Variants in RBFOX3 observed in about 807,000 individuals in gnomAD.
RBFOX3 encodes the protein RNA binding fox-1 homolog 3, also known as RNA binding protein fox-1 homolog 3.
RBFOX3 carries 17 observed loss-of-function variants against 48.7 expected under a neutral mutation model. The ratio of observed to expected loss-of-function variants is 0.35; its 90% CI spans 0.24 to 0.52. The LOEUF (loss-of-function observed/expected upper bound fraction) is 0.52, where lower values mean the gene tolerates loss of function less well. Among genes scored for constraint, RBFOX3 ranks in the 20% least tolerant of loss-of-function variants. The pLI is 0.94. For synonymous variants in RBFOX3, 212 were observed against 209.5 expected, an observed-to-expected ratio of 1.01 and a Z score of -0.10; for missense variants, 382 against 497.5, an observed-to-expected ratio of 0.77 and a Z score of 2.21.
chr17:79,495,611 G>A (rs2081381583), intron 1 of RBFOX3, among the ~76,000 whole-genome samples: 1 of 114,816 alleles, frequency 8.7e-6, no homozygotes, highest in African/African-American at 3.3e-5. Context: ...CAGAGGGTGG[G>A]GAGGTGGGGG....
At chr17:79,236,628 G>A (rs973060439) in intron 3 of RBFOX3, among the ~76,000 whole-genome samples, 2 of 152,126 alleles carry the variant, frequency 1.3e-5, no homozygotes, top group Non-Finnish European at 2.9e-5. Flanking sequence ...AGAGGCAATC[G>A]TTGTATGTTA....
intron 4 of RBFOX3, among the ~76,000 whole-genome samples, chr17:79,157,763 T>C (rs1002460667): frequency 5.9e-5 from 9 of 152,090 alleles, no homozygotes; most frequent in Admixed American, 3.3e-4. Flanking sequence ...TCCACCCAGC[T>C]CGGCACATGC....
chr17:79,375,347 G>A (rs2059087984), intron 2 of RBFOX3, among the ~76,000 whole-genome samples: 2 of 140,104 alleles, frequency 1.4e-5, no homozygotes, highest in South Asian at 2.4e-4. Context: ...GGTCCAGTTA[G>A]GAAGACAGAA....
chr17:79,170,195 C>T (rs371193257), intron 4 of RBFOX3, among the ~76,000 whole-genome samples: 2 of 128,784 alleles, frequency 1.6e-5, no homozygotes, highest in South Asian at 2.8e-4. Flanking sequence ...GGGCAGGGTC[C>T]GGAAGAGGCT....
chr17:79,219,896 C>T (rs1033866164), intron 4 of RBFOX3, among the ~76,000 whole-genome samples: 12 of 151,898 alleles, frequency 7.9e-5, no homozygotes, highest in East Asian at 1.9e-4. Context: ...TATCCCCTGC[C>T]GGGTATTACT....
intron 4 of RBFOX3, among the ~76,000 whole-genome samples, chr17:79,129,633 T>C (rs2038288613): frequency 6.6e-6 from 1 of 152,210 alleles, no homozygotes; most frequent in South Asian, 2.1e-4. Context: ...ATAGCCTCTG[T>C]AGGGGCTGAC....
At position 79,482,189 on chromosome 17, in the gene RBFOX3, A is replaced by G. The variant is rs896582652; in HGVS notation, c.-175+265T>C. ...CCCCGCCCACCCTCCTTCCAGGACT[A>G]ACTGCCCCGCAGCCAGGCTGATGGG... On this transcript the variant is annotated intron_variant, in intron 2 of 14. Coordinates refer to ENST00000693108, the MANE Select transcript of RBFOX3 (RefSeq NM_001350451.2). The surrounding 1 kb of genome is among the most constrained non-coding windows in gnomAD (Gnocchi z 4.1). 5.4e-4 allele frequency among the ~76,000 whole-genome samples: 82 copies of G among 152,120 alleles called. No homozygotes were observed. The highest frequency in any genetic ancestry group is 1.9e-3 in the African/African-American group (80 of 41,490).
At chr17:79,274,355 T>C (rs1244175881) in intron 3 of RBFOX3, among the ~76,000 whole-genome samples, 4 of 152,216 alleles carry the variant, frequency 2.6e-5, no homozygotes, top group African/African-American at 9.7e-5. Context: ...CCTCATCGGA[T>C]GTCATGAAGA....
chr17:79,217,851 C>A (rs2059249453), intron 4 of RBFOX3, among the ~76,000 whole-genome samples: 2 of 152,108 alleles, frequency 1.3e-5, no homozygotes, highest in African/African-American at 4.8e-5. Context: ...CTTGGAGCAG[C>A]TCAGCCTGGC....
chr17:79,183,241 G>GGGCCGGGCGGGGGGCCGC (rs2052564341), intron 4 of RBFOX3: 1 of 151,454 alleles, frequency 6.6e-6, no homozygotes, highest in Non-Finnish European at 1.5e-5. Context: ...CCGGGGGCCG[G>GGGCCGGGCGGGGGGCCGC]GGCCGGGCGG....
chr17:79,553,086 C>A (rs1158166869), intron 1 of RBFOX3, among the ~76,000 whole-genome samples: 4 of 152,130 alleles, frequency 2.6e-5, no homozygotes, highest in Non-Finnish European at 5.9e-5. Flanking sequence ...TTTTTCTTAA[C>A]TTCAGTGTTT....
intron 4 of RBFOX3, among the ~76,000 whole-genome samples, chr17:79,210,573 T>C (rs2058246608): frequency 6.6e-6 from 1 of 152,262 alleles, no homozygotes; most frequent in Admixed American, 6.5e-5. Flanking sequence ...TCTTGGCACG[T>C]CCAGCTTTTT....
the RBFOX3 span, among the ~76,000 whole-genome samples, chr17:79,620,249 G>A: frequency 7.3e-6 from 1 of 136,456 alleles, no homozygotes; most frequent in African/African-American, 2.8e-5. Context: ...GCACACATAC[G>A]CACATGCACA....
chr17:79,349,206 C>T (rs1014863129), intron 2 of RBFOX3, among the ~76,000 whole-genome samples: 2 of 152,034 alleles, frequency 1.3e-5, no homozygotes, highest in African/African-American at 4.8e-5. Flanking sequence ...ACCGAGCAGC[C>T]AGACCTATCC....
At chr17:79,157,080 G>A (rs941363080) in intron 4 of RBFOX3, among the ~76,000 whole-genome samples, 1 of 152,182 alleles carries the variant, frequency 6.6e-6, no homozygotes, top group Non-Finnish European at 1.5e-5. Flanking sequence ...TGGCCGAAGG[G>A]CAGGGGCCTC....
intron 4 of RBFOX3, among the ~76,000 whole-genome samples, chr17:79,150,669 C>A (rs1031140830): frequency 1.2e-4 from 18 of 152,246 alleles, no homozygotes; most frequent in Middle Eastern, 3.4e-3. Flanking sequence ...GGGGCAGGGG[C>A]AACAGATTCA....
In RBFOX3 at chr17:79,464,780, C is replaced by T. The variant is rs552803851; in HGVS notation, c.-175+17674G>A. 5.9e-5 allele frequency among the ~76,000 whole-genome samples: 9 copies of T among 152,306 alleles called. No individual in the cohort carries two copies. In the Middle Eastern group the frequency reaches 0.01, roughly 173 times the overall value. On this transcript the variant is annotated intron_variant, in intron 2 of 14. Coordinates refer to ENST00000693108, the MANE Select transcript of RBFOX3 (RefSeq NM_001350451.2). ...CACTGAGGCCAGGGCCTTCCCTCCGCGGCCCCGAGGACAGCTGAGAACAGG... is the reference window on the plus strand; with the variant it reads ...CACTGAGGCCAGGGCCTTCCCTCCGTGGCCCCGAGGACAGCTGAGAACAGG...
chr17:79,467,997 C>T (rs904940173), intron 2 of RBFOX3, among the ~76,000 whole-genome samples: 1 of 152,072 alleles, frequency 6.6e-6, no homozygotes. Context: ...CCGAGGCAGA[C>T]GTCATGCCTC....
chr17:79,630,223 A>G, the RBFOX3 span, among the ~76,000 whole-genome samples: 1 of 152,214 alleles, frequency 6.6e-6, no homozygotes, highest in African/African-American at 2.4e-5. Flanking sequence ...AACCCCGCAG[A>G]GTCTCAGGCC....
Sources: allele counts gnomAD v4.1 joint callset (sites outside exome capture counted in the v4.1 genomes callset), GRCh38; gene constraint gnomAD v4.1.1; non-coding constraint Gnocchi (gnomAD v3.1); transcripts MANE v1.5; gene names NCBI Gene and HGNC (gene_info 2026-07-23, HGNC 2026-07-21).